MTAP: variants seen among roughly 807,000 people sequenced by gnomAD.
MTAP encodes S-methyl-5'-thioadenosine phosphorylase.
MTAP carries 33 observed loss-of-function variants against 33.6 expected under a neutral mutation model. The ratio of observed to expected loss-of-function variants is 0.98; its 90% CI spans 0.74 to 1.31. MTAP has a LOEUF of 1.31. Ranked by LOEUF, MTAP falls within the 40% of genes most tolerant of loss-of-function variation. MTAP has a pLI of 0.00. For synonymous variants in MTAP, 148 were observed against 125.7 expected (o/e 1.18, Z -1.19); for missense variants, 367 against 360.0 (o/e 1.02, Z -0.16).
chr9:21,818,258 A>G, intron 4 of MTAP, 56 bp downstream of exon 4: 2 of 1,557,374 alleles, frequency 1.3e-6, no homozygotes, highest in South Asian at 1.1e-5. Flanking sequence ...TTCAGCTCAA[A>G]TGGACGACGC....
chr9:21,833,336 C>A (rs1174564057), intron 4 of MTAP, among the ~76,000 whole-genome samples: 1 of 152,156 alleles, frequency 6.6e-6, no homozygotes, highest in Admixed American at 6.5e-5. Flanking sequence ...GGGTGTGACA[C>A]CATACCCAGC....
chr9:21,850,997 C>G (rs998542275), intron 5 of MTAP, among the ~76,000 whole-genome samples: 3 of 152,264 alleles, frequency 2.0e-5, no homozygotes, highest in Non-Finnish European at 2.9e-5. Flanking sequence ...CCCAGACTAT[C>G]AAGATGAAAT....
downstream of MTAP, among the ~76,000 whole-genome samples, chr9:21,870,737 A>G (rs1825922922): frequency 6.6e-6 from 1 of 151,280 alleles, no homozygotes; most frequent in Non-Finnish European, 1.5e-5. Context: ...CAGATATTTT[A>G]TACTAACAGT....
intron 1 of MTAP, among the ~76,000 whole-genome samples, chr9:21,888,712 G>C (rs1340959058): frequency 6.6e-6 from 1 of 152,092 alleles, no homozygotes; most frequent in African/African-American, 2.4e-5. Flanking sequence ...GTCAGTCCCT[G>C]TGTGTTAGGT....
rs1283699944 is a variant in MTAP at position 21,829,732 on chromosome 9, C to G, written c.348-8176C>G. The stretch of plus-strand genomic sequence containing the variant: ...TATAGATGGCCAAGCTAAAGCACAT[C>G]ATTTTCTTTTCCTTCAGTGCCAGCA... On this transcript the variant is annotated intron_variant, in intron 4 of 7. Coordinates refer to ENST00000644715, the MANE Select transcript of MTAP (RefSeq NM_002451.4). 2.0e-5 allele frequency among the ~76,000 whole-genome samples: 3 copies of G among 152,268 alleles called. No individual in the cohort carries two copies. In the East Asian group the frequency reaches 5.8e-4, roughly 29 times the overall value.
intron 4 of MTAP, among the ~76,000 whole-genome samples, chr9:21,824,440 C>T (rs575789534): frequency 1.7e-4 from 26 of 152,312 alleles, no homozygotes; most frequent in Middle Eastern, 3.4e-3. Context: ...AGCAAATGTT[C>T]CTGCCTGATT....
chr9:21,868,863 A>G (rs1365779193), downstream of MTAP, among the ~76,000 whole-genome samples: 2 of 152,300 alleles, frequency 1.3e-5, no homozygotes, highest in Non-Finnish European at 2.9e-5. Context: ...AACAGGTTGC[A>G]TGGCACCACC....
chr9:21,818,230 C>T, intron 4 of MTAP, 28 bp downstream of exon 4: 1 of 1,560,050 alleles, frequency 6.4e-7, no homozygotes, highest in East Asian at 2.5e-5. Context: ...ATGCTTTAGG[C>T]TATTGTAGCT....
chr9:21,910,371 A>G (rs1470747708), intron 1 of MTAP, among the ~76,000 whole-genome samples: 2 of 152,238 alleles, frequency 1.3e-5, no homozygotes, highest in Non-Finnish European at 1.5e-5. Context: ...GATGAAAAAA[A>G]TAAAACTAGT....
intron 5 of MTAP, 70 bp downstream of exon 5, chr9:21,838,080 T>C: frequency 7.6e-7 from 1 of 1,324,172 alleles, no homozygotes; most frequent in Non-Finnish European, 1.1e-6. Flanking sequence ...GGCATTTGGT[T>C]AATTGGCAGA....
intron 1 of MTAP, among the ~76,000 whole-genome samples, chr9:21,925,454 A>C (rs1460726070): frequency 6.6e-6 from 1 of 152,216 alleles, no homozygotes; most frequent in Non-Finnish European, 1.5e-5. Context: ...GAAAGAGGAA[A>C]GGGCTCAGGG....
At chr9:21,909,474 C>T (rs1818532224) in intron 1 of MTAP, among the ~76,000 whole-genome samples, 1 of 152,062 alleles carries the variant, frequency 6.6e-6, no homozygotes. Context: ...CTTGGGCATT[C>T]TCAAATTTAA....
chr9:21,832,392 C>G (rs138925246), intron 4 of MTAP, among the ~76,000 whole-genome samples: 27 of 152,146 alleles, frequency 1.8e-4, no homozygotes, highest in African/African-American at 5.8e-4. Flanking sequence ...TAAAGAGTTA[C>G]GCAAGAAGCC....
chr9:21,847,989 G>A (rs1825422752), intron 5 of MTAP, among the ~76,000 whole-genome samples: 1 of 152,158 alleles, frequency 6.6e-6, no homozygotes, highest in African/African-American at 2.4e-5. Flanking sequence ...GGGACACTGA[G>A]TTTGAAAACT....
intron 1 of MTAP, among the ~76,000 whole-genome samples, chr9:21,913,381 T>C (rs200479901): frequency 1.2e-4 from 19 of 152,070 alleles, no homozygotes; most frequent in East Asian, 5.8e-4. Flanking sequence ...TCAAACTATA[T>C]TACAAGGCTA....
intron 4 of MTAP, among the ~76,000 whole-genome samples, chr9:21,828,669 C>G (rs1036073342): frequency 6.6e-6 from 1 of 151,556 alleles, no homozygotes; most frequent in East Asian, 1.9e-4. Context: ...GAGTGAAACT[C>G]CATCTCAAAA....
At chr9:21,925,777 A>G (rs890519393) in intron 1 of MTAP, among the ~76,000 whole-genome samples, 7 of 152,158 alleles carry the variant, frequency 4.6e-5, no homozygotes, top group African/African-American at 1.7e-4. Flanking sequence ...TGGACTGAAC[A>G]TTACTATTGA....
intron 1 of MTAP, 49 bp from the exon 2 acceptor site, chr9:21,815,384 A>C: frequency 7.8e-7 from 1 of 1,274,298 alleles, no homozygotes; most frequent in East Asian, 2.4e-5. Flanking sequence ...TCTTATTTCT[A>C]ATAAAAATTA....
chr9:21,836,388 G>A (rs539048583), intron 4 of MTAP, among the ~76,000 whole-genome samples: 71 of 152,232 alleles, frequency 4.7e-4, no homozygotes, highest in Admixed American at 9.2e-4. Flanking sequence ...AAACAAAGGC[G>A]GGGGTTCCAA....
Sources: gnomAD v4.1 joint callset for allele counts (sites outside exome capture counted in the v4.1 genomes callset) on GRCh38, gnomAD v4.1.1 for gene constraint, MANE v1.5 for transcripts, NCBI Gene and HGNC (gene_info 2026-07-23, HGNC 2026-07-21) for gene names.